The following FNIP2 variants were observed in gnomAD, a reference collection of about 807,000 sequenced individuals.
FNIP2 encodes the protein folliculin-interacting protein 2.
In FNIP2, 32 loss-of-function variants were observed where a neutral mutation model predicts 108.7. That is an observed-to-expected ratio of 0.29 (90% CI 0.22 to 0.40). The LOEUF is 0.40. FNIP2 is among the 10% of genes least tolerant of loss of function. FNIP2 has a pLI of 1.00. For missense variants in FNIP2, 1,202 were observed against 1,381.6 expected (o/e 0.87, Z 2.06); for synonymous variants, 480 against 496.7 (o/e 0.97, Z 0.45).
At chr4:158,881,420 C>CTCTCTT (rs1338168874) in intron 14 of FNIP2, among the ~76,000 whole-genome samples, 1 of 34,292 alleles carries the variant, frequency 2.9e-5, no homozygotes, top group African/African-American at 1.0e-4. Context: ...CTCCCTCTCC[C>CTCTCTT]TCTCTTTCCA....
rs577692015 is a variant in FNIP2 at position 158,841,171 on chromosome 4, G to C, written c.727+5695G>C. Among the ~76,000 whole-genome samples the C allele has an allele frequency of 3.9e-5, 6 of 152,264 alleles. No homozygotes were observed. In the East Asian group the frequency reaches 1.2e-3, roughly 29 times the overall value. Reference sequence around the variant, plus strand: ...CTGTTCTGGGGAGACAACAGGGTGGGGGCTTCTCAAGCTGGTTGGAGAATG... The same window carrying C: ...CTGTTCTGGGGAGACAACAGGGTGGCGGCTTCTCAAGCTGGTTGGAGAATG... On this transcript the variant is annotated intron_variant, in intron 7 of 16. Transcript: ENST00000264433.
At chr4:158,798,666 T>TA (rs1776667064) in intron 1 of FNIP2, among the ~76,000 whole-genome samples, 2 of 152,260 alleles carry the variant, frequency 1.3e-5, no homozygotes, top group Non-Finnish European at 2.9e-5. Context: ...TTTAAGTCTT[T>TA]AGATAGCACA....
chr4:158,905,360 GA>G lies in FNIP2; in HGVS notation c.*817del. On this transcript the variant is annotated 3_prime_UTR_variant, in exon 17 of 17. Coordinates refer to ENST00000264433, the MANE Select transcript of FNIP2 (RefSeq NM_020840.3). ...TTAGAGCTTTCAGCAGCCTTTTTAA[GA>G]GAGGCCACTTACCAAAGTTATTTCT... 1 of 152,320 alleles carries G rather than the reference GA, an allele frequency of 6.6e-6. No individual in the cohort carries two copies. The highest frequency in any genetic ancestry group is 1.5e-5 in the Non-Finnish European group (1 of 68,026). The allele number at this position is 152,320 out of a possible 1,614,324, so 9.4% of individuals were successfully genotyped here. A position where few individuals can be genotyped will look rare whatever the true frequency, so the allele number is the denominator to read the frequency against.
chr4:158,821,383 A>G (rs1245147509), intron 1 of FNIP2, among the ~76,000 whole-genome samples: 2 of 152,256 alleles, frequency 1.3e-5, no homozygotes, highest in Non-Finnish European at 2.9e-5. Flanking sequence ...AAAAGCCCCA[A>G]GGCTTGTTTT....
intron 7 of FNIP2, among the ~76,000 whole-genome samples, chr4:158,846,979 G>A (rs1779440912): frequency 6.6e-6 from 1 of 152,166 alleles, no homozygotes; most frequent in African/African-American, 2.4e-5. Flanking sequence ...TGCACTTGGG[G>A]AGAAACTTTG....
chr4:158,805,104 A>ATTT (rs1289556780), intron 1 of FNIP2, among the ~76,000 whole-genome samples: 9 of 152,236 alleles, frequency 5.9e-5, no homozygotes, highest in African/African-American at 1.9e-4. Flanking sequence ...GTACATTAAA[A>ATTT]GTAATGGCAA....
chr4:158,884,730 T>C (rs1413913991), intron 14 of FNIP2, among the ~76,000 whole-genome samples: 1 of 152,166 alleles, frequency 6.6e-6, no homozygotes, highest in Admixed American at 6.5e-5. Context: ...TCTGCAGGGC[T>C]GGGGAGGCCT....
intron 3 of FNIP2, among the ~76,000 whole-genome samples, chr4:158,831,640 G>A (rs1357758245): frequency 6.6e-6 from 1 of 152,126 alleles, no homozygotes; most frequent in East Asian, 1.9e-4. Flanking sequence ...GATCCTAGGT[G>A]ATGATGTTGT....
At position 158,868,643 on chromosome 4, in the gene FNIP2, A is replaced by G; in HGVS notation, c.2007A>G (p.Glu669=). 1 of 1,613,980 alleles carries G rather than the reference A, an allele frequency of 6.2e-7. No individual in the cohort carries two copies. Among genetic ancestry groups the G allele is most frequent in the Non-Finnish European group, 8.5e-7 (1 of 1,179,890 alleles). ...GCTCTTCAAGACTTCCCAGCTGTGA[A>G]GTTTTGGGGGCAGGAATGAAGATGG... ...QDGSSRLPSC[E]VLGAGMKMDQ... The change falls in exon 13 of 17, where the codon GAA becomes GAG. Residue 669 remains glutamate (E), a synonymous_variant. Transcript: ENST00000264433. This position sits in a 1 kb window ranked among gnomAD's most constrained non-coding sequence, Gnocchi z 4.6.
At position 158,868,814 on chromosome 4, in the gene FNIP2, T is replaced by C. The variant is rs1175860385; in HGVS notation, c.2178T>C (p.Ser726=). The change falls in exon 13 of 17, where the codon TCT becomes TCC. Residue 726 remains serine (S), a synonymous_variant. Coordinates refer to ENST00000264433, the MANE Select transcript of FNIP2 (RefSeq NM_020840.3). This position sits in a 1 kb window ranked among gnomAD's most constrained non-coding sequence, Gnocchi z 4.6. The part of the protein sequence containing the change: ...KVTFQIGSFA[S]PESDFESRMK... ...CTTTCCAGATTGGAAGCTTTGCATCTCCAGAGTCTGACTTTGAAAGCCGCA... is the reference window on the plus strand; with the variant it reads ...CTTTCCAGATTGGAAGCTTTGCATCCCCAGAGTCTGACTTTGAAAGCCGCA... 1 of 1,613,530 alleles carries C rather than the reference T, an allele frequency of 6.2e-7. No homozygotes were observed. The highest frequency in any genetic ancestry group is 8.5e-7 in the Non-Finnish European group (1 of 1,179,886).
At chr4:158,825,727 C>G (rs548979104) in intron 1 of FNIP2, among the ~76,000 whole-genome samples, 189 bp from the exon 2 acceptor site, 1 of 152,340 alleles carries the variant, frequency 6.6e-6, no homozygotes, top group Admixed American at 6.5e-5. Context: ...TCATATGGCC[C>G]TTTGGAATCC....
rs35980806 is a variant in FNIP2 at position 158,887,757 on chromosome 4, A to AAC, written c.2950-3689_2950-3688insAC. Among the ~76,000 whole-genome samples the AAC allele has an allele frequency of 5.3e-5, 8 of 150,768 alleles. No individual in the cohort carries two copies. In the East Asian group the frequency reaches 1.2e-3, roughly 22 times the overall value. ...GTCTCAAAAAAAAAAAAAAAAAAAA[A>AAC]CCCAAGAGGAATGTTAAATTGAATT... On this transcript the variant is annotated intron_variant, in intron 14 of 16. Coordinates refer to ENST00000264433, the MANE Select transcript of FNIP2 (RefSeq NM_020840.3).
At chr4:158,776,723 G>T (rs1484162705) in intron 1 of FNIP2, among the ~76,000 whole-genome samples, 1 of 152,196 alleles carries the variant, frequency 6.6e-6, no homozygotes, top group Non-Finnish European at 1.5e-5. Flanking sequence ...CTAAATCCTA[G>T]CCTTGCCATT....
intron 2 of FNIP2, among the ~76,000 whole-genome samples, chr4:158,827,818 T>C (rs759916894): frequency 1.3e-5 from 2 of 152,182 alleles, no homozygotes; most frequent in Non-Finnish European, 2.9e-5. Flanking sequence ...TTTCCCATTT[T>C]CAGTCCCCAC....
chr4:158,774,206 G>A (rs1254808353), intron 1 of FNIP2, among the ~76,000 whole-genome samples: 2 of 152,140 alleles, frequency 1.3e-5, no homozygotes, highest in Admixed American at 1.3e-4. Context: ...TTATGCATGT[G>A]CAGAATAGGC....
chr4:158,904,633 G>C lies in FNIP2; in HGVS notation c.*89G>C. The C allele has an allele frequency of 8.6e-7, 1 of 1,156,316 alleles. No individual in the cohort carries two copies. Among genetic ancestry groups the C allele is most frequent in the South Asian group, 1.3e-5 (1 of 78,150 alleles). The allele number at this position is 1,156,316 out of a possible 1,614,324, so 71.6% of individuals were successfully genotyped here. A position where few individuals can be genotyped will look rare whatever the true frequency, so the allele number is the denominator to read the frequency against. ...GAATAAGCTCTCTGTGATGTCAAAA[G>C]CATGAGAAGAGCAAACAGAAACAGT... On this transcript the variant is annotated 3_prime_UTR_variant, in exon 17 of 17. Coordinates refer to ENST00000264433, the MANE Select transcript of FNIP2 (RefSeq NM_020840.3).
intron 1 of FNIP2, among the ~76,000 whole-genome samples, chr4:158,780,500 A>AACT (rs1776006259): frequency 2.0e-5 from 3 of 152,234 alleles, no homozygotes; most frequent in Non-Finnish European, 4.4e-5. Context: ...CATGTCTCAT[A>AACT]GTTATCCTTT....
Position 158,861,437 on chromosome 4 carries a change from A to G in FNIP2, c.1244A>G (p.Gln415Arg), listed in dbSNP as rs1216867622. ...SGTLEKNQLC[Q>R]RFLKEFTLLI... Reference sequence around the variant, plus strand: ...ACTTTGGAAAAAAACCAGCTCTGCCAGCGCTTTCTCAAGGAGTTTACACTT... The same window carrying G: ...ACTTTGGAAAAAAACCAGCTCTGCCGGCGCTTTCTCAAGGAGTTTACACTT... The change falls in exon 11 of 17, where the codon CAG becomes CGG. Residue 415 changes from glutamine to arginine, a missense_variant. By Grantham distance (43) the Gln-to-Arg change is conservative. This residue lies in a region of FNIP2 where 878 missense variants were observed against 990.3 expected (regional missense o/e 0.89). Transcript: ENST00000264433. 6.2e-7 allele frequency: 1 copy of G among 1,614,030 alleles called. No individual in the cohort carries two copies. Among genetic ancestry groups the G allele is most frequent in the East Asian group, 2.2e-5 (1 of 44,890 alleles).
chr4:158,887,619 T>C (rs1017575834), intron 14 of FNIP2, among the ~76,000 whole-genome samples: 1 of 150,248 alleles, frequency 6.7e-6, no homozygotes, highest in African/African-American at 2.5e-5. Context: ...GTGCCTGTAA[T>C]CCCAGCTACC....
Sources: allele counts gnomAD v4.1 joint callset (sites outside exome capture counted in the v4.1 genomes callset), GRCh38; gene constraint gnomAD v4.1.1; regional missense constraint gnomAD v4.1.1; non-coding constraint Gnocchi (gnomAD v3.1); transcripts MANE v1.5; gene names NCBI Gene and HGNC (gene_info 2026-07-23, HGNC 2026-07-21).